GLRA3: variants seen among roughly 807,000 people sequenced by gnomAD.
GLRA3 encodes glycine receptor subunit alpha-3.
A neutral mutation model predicts 60.4 loss-of-function variants in GLRA3; 44 were observed. The ratio of observed to expected loss-of-function variants is 0.73; its 90% CI spans 0.57 to 0.94. The LOEUF is 0.94. Ranked by LOEUF, GLRA3 falls within the 40% of genes least tolerant of loss-of-function variation. The pLI is 0.00. For synonymous variants in GLRA3, 223 were observed against 192.9 expected (o/e 1.16, Z -1.29); for missense variants, 508 against 564.6 (o/e 0.90, Z 1.02).
chr4:174,739,657 T>G (rs1736935244), intron 3 of GLRA3, among the ~76,000 whole-genome samples: 1 of 152,166 alleles, frequency 6.6e-6, no homozygotes, highest in Non-Finnish European at 1.5e-5. Context: ...ACCATTGGCT[T>G]CATTTGAAAT....
chr4:174,771,412 CT>C (rs1738379831), intron 2 of GLRA3, among the ~76,000 whole-genome samples: 2 of 151,676 alleles, frequency 1.3e-5, no homozygotes. Flanking sequence ...AGGTTATTCT[CT>C]TTTTCCACCA....
rs771142846 is a variant in GLRA3, at chr4:174,643,880, G to C, written c.1301C>G (p.Ala434Gly). ...RAKKIDTISR[A>G]CFPLAFLIFN... ...AATCAAAAAAGCTAATGGGAAGCAG[G>C]CTCGGGAGATGGTATCAATCTTCTT... Residue 434 changes from alanine (A) to glycine (G), a missense_variant, in exon 10 of 10, where the codon GCC (alanine) becomes GGC (glycine). By Grantham distance (60) the Ala-to-Gly change is moderately conservative. This residue lies in a region of GLRA3 where 176 missense variants were observed against 197.9 expected (regional missense o/e 0.89). Coordinates refer to ENST00000274093, the MANE Select transcript of GLRA3 (RefSeq NM_006529.4). 2 of 1,613,882 alleles carry C rather than the reference G, an allele frequency of 1.2e-6. No individual in the cohort carries two copies. Among genetic ancestry groups the C allele is most frequent in the African/African-American group, 2.7e-5 (2 of 74,904 alleles).
intron 3 of GLRA3, among the ~76,000 whole-genome samples, chr4:174,746,220 T>G (rs1737240226): frequency 6.6e-6 from 1 of 152,154 alleles, no homozygotes; most frequent in Non-Finnish European, 1.5e-5. Flanking sequence ...CTATTCGCAG[T>G]AGCAAAGATA....
intron 1 of GLRA3, among the ~76,000 whole-genome samples, chr4:174,818,533 C>A (rs949537990): frequency 2.6e-5 from 4 of 152,104 alleles, no homozygotes; most frequent in Non-Finnish European, 5.9e-5. Flanking sequence ...CAGCAAAGGT[C>A]TGCAGCAGAG....
At chr4:174,732,714 A>T (rs1008836956) in intron 3 of GLRA3, among the ~76,000 whole-genome samples, 5 of 152,142 alleles carry the variant, frequency 3.3e-5, no homozygotes, top group Non-Finnish European at 5.9e-5. Flanking sequence ...AATGCTGGAG[A>T]TATAATGTAT....
chr4:174,739,009 G>T (rs567814818), intron 3 of GLRA3, among the ~76,000 whole-genome samples: 1 of 152,256 alleles, frequency 6.6e-6, no homozygotes, highest in African/African-American at 2.4e-5. Flanking sequence ...ATGTAGAAAA[G>T]GCTCAGTAAA....
In GLRA3 at chr4:174,828,920, C is replaced by T. The variant is rs746280291; in HGVS notation, c.-109G>A. The T allele has an allele frequency of 1.3e-6, 1 of 798,038 alleles. No individual in the cohort carries two copies. Among genetic ancestry groups the T allele is most frequent in the Non-Finnish European group, 2.2e-6 (1 of 457,488 alleles). 49.4% of individuals were successfully genotyped at this position (798,038 alleles called of 1,614,324 possible). A position where few individuals can be genotyped will look rare whatever the true frequency, so the allele number is the denominator to read the frequency against. ...TAACCCCGCATGGTGTTGGTGTAGA[C>T]TGATGCTTGGGAAGCTTCAGCACCT... On this transcript the variant is annotated 5_prime_UTR_variant, in exon 1 of 10. Transcript: ENST00000274093.
At chr4:174,745,848 A>G (rs1737223742) in intron 3 of GLRA3, among the ~76,000 whole-genome samples, 1 of 152,158 alleles carries the variant, frequency 6.6e-6, no homozygotes, top group Non-Finnish European at 1.5e-5. Context: ...ACATGAGTAT[A>G]CATTTCTCGA....
chr4:174,756,011 C>T (rs1179050549), intron 3 of GLRA3, among the ~76,000 whole-genome samples: 1 of 151,898 alleles, frequency 6.6e-6, no homozygotes, highest in Non-Finnish European at 1.5e-5. Context: ...AATAATTTGA[C>T]AAGGAAAGGA....
At position 174,705,590 on chromosome 4, in the gene GLRA3, T is replaced by G. The variant is rs1020112555; in HGVS notation, c.574+9898A>C. On this transcript the variant is annotated intron_variant, in intron 5 of 9. Transcript: ENST00000274093. ...CAATGAATTAGCCTCCAATAGTCTT[T>G]TCAGTTATGTAAGAGAAGAGGGGAG... Among the ~76,000 whole-genome samples, 7 of 143,132 alleles carry G rather than the reference T, an allele frequency of 4.9e-5. 1 individual carries two copies. The highest frequency in any genetic ancestry group is 1.1e-4 in the Non-Finnish European group (7 of 64,248). The allele number at this position is 143,132 out of a possible 152,430, so 93.9% of individuals were successfully genotyped here. A position where few individuals can be genotyped will look rare whatever the true frequency, so the allele number is the denominator to read the frequency against.
intron 7 of GLRA3, among the ~76,000 whole-genome samples, chr4:174,672,953 T>C (rs934293726): frequency 1.3e-5 from 2 of 152,090 alleles, no homozygotes; most frequent in Non-Finnish European, 2.9e-5. Context: ...TGCATCTGTT[T>C]GATATGCTAT....
intron 3 of GLRA3, among the ~76,000 whole-genome samples, chr4:174,748,248 A>C (rs1737327040): frequency 6.6e-6 from 1 of 152,222 alleles, no homozygotes; most frequent in Non-Finnish European, 1.5e-5. Context: ...TTTCAAGAGC[A>C]TAATCAACAG....
rs1191209390 is a variant in GLRA3 at position 174,639,779 on chromosome 4, T to G, written c.*4007A>C. The G allele has an allele frequency of 2.0e-5, 3 of 152,042 alleles. No homozygotes were observed. Among genetic ancestry groups the G allele is most frequent in the Non-Finnish European group, 4.4e-5 (3 of 67,986 alleles). The allele number at this position is 152,042 out of a possible 1,614,324, so 9.4% of individuals were successfully genotyped here. ...TTTAAAGTTAATTAAATTAATGCAATTTACAGTGTACACTGCTTATTTATC... is the reference window on the plus strand; with the variant it reads ...TTTAAAGTTAATTAAATTAATGCAAGTTACAGTGTACACTGCTTATTTATC... On this transcript the variant is annotated 3_prime_UTR_variant, in exon 10 of 10. Coordinates refer to ENST00000274093, the MANE Select transcript of GLRA3 (RefSeq NM_006529.4).
chr4:174,734,773 C>T (rs1736705201), intron 3 of GLRA3, among the ~76,000 whole-genome samples: 1 of 152,102 alleles, frequency 6.6e-6, no homozygotes, highest in South Asian at 2.1e-4. Context: ...CTAGCAAAAA[C>T]AATACAAAGC....
chr4:174,802,841 G>A (rs564463825), intron 1 of GLRA3, among the ~76,000 whole-genome samples: 1 of 151,838 alleles, frequency 6.6e-6, no homozygotes, highest in Admixed American at 6.5e-5. Flanking sequence ...TTGAAATGCT[G>A]TCAGTATCTT....
chr4:174,804,733 C>T (rs1209509878), intron 1 of GLRA3, among the ~76,000 whole-genome samples: 4 of 152,108 alleles, frequency 2.6e-5, no homozygotes, highest in South Asian at 2.1e-4. Flanking sequence ...ACAGAACGCG[C>T]GGTCCTGGAG....
At chr4:174,724,912 A>C (rs1376238942) in intron 4 of GLRA3, among the ~76,000 whole-genome samples, 2 of 152,200 alleles carry the variant, frequency 1.3e-5, no homozygotes, top group Non-Finnish European at 2.9e-5. Flanking sequence ...TGCATAAGAT[A>C]TCACTATTTT....
chr4:174,729,149 G>T (rs1736453792), intron 3 of GLRA3, among the ~76,000 whole-genome samples: 1 of 152,080 alleles, frequency 6.6e-6, no homozygotes, highest in South Asian at 2.1e-4. Flanking sequence ...TTTAAAACTT[G>T]CTGTTCCATT....
At chr4:174,819,507 A>G (rs147334318) in intron 1 of GLRA3, among the ~76,000 whole-genome samples, 1,751 of 152,216 alleles carry the variant, frequency 0.012, 36 homozygotes, top group African/African-American at 0.039. Flanking sequence ...TTTCTGCCCA[A>G]ATTCTATCAC....
Sources: allele counts gnomAD v4.1 joint callset (sites outside exome capture counted in the v4.1 genomes callset), GRCh38; gene constraint gnomAD v4.1.1; regional missense constraint gnomAD v4.1.1; transcripts MANE v1.5; gene names NCBI Gene and HGNC (gene_info 2026-07-23, HGNC 2026-07-21).